The following FAM47E variants were observed in gnomAD, a reference collection of about 807,000 sequenced individuals.
FAM47E encodes the protein family with sequence similarity 47 member E, also known as protein FAM47E.
Under a neutral mutation model 41.6 loss-of-function variants are expected in FAM47E, and 32 were observed. That is an observed-to-expected ratio of 0.77 (90% CI 0.58 to 1.03). FAM47E has a LOEUF of 1.03. FAM47E is among the 50% of genes least tolerant of loss of function. The pLI is 0.00. For synonymous variants in FAM47E, 184 were observed against 188.7 expected (o/e 0.98, Z 0.20); for missense variants, 424 against 485.4 (o/e 0.87, Z 1.19).
intron 7 of FAM47E, chr4:76,282,420 T>C (rs1016358408): frequency 6.6e-6 from 1 of 152,154 alleles, no homozygotes; most frequent in Admixed American, 6.5e-5. Context: ...CGCATTCCAT[T>C]CCCAGAGCTA....
chr4:76,240,713 T>C (rs991897286), intron 2 of FAM47E, among the ~76,000 whole-genome samples: 3 of 152,338 alleles, frequency 2.0e-5, no homozygotes, highest in Admixed American at 6.5e-5. Flanking sequence ...TTGTACTTTT[T>C]AGTTCCAGAA....
intron 2 of FAM47E, among the ~76,000 whole-genome samples, chr4:76,243,966 C>A (rs760529872): frequency 2.0e-5 from 3 of 152,140 alleles, no homozygotes; most frequent in Non-Finnish European, 2.9e-5. Context: ...TTGTTCAACT[C>A]CCACTTATGA....
chr4:76,239,198 A>G (rs918525642), intron 2 of FAM47E, among the ~76,000 whole-genome samples: 2 of 152,140 alleles, frequency 1.3e-5, no homozygotes, highest in African/African-American at 4.8e-5. Flanking sequence ...TGCTATAAAC[A>G]CAGATGTACA....
At chr4:76,268,836 A>G in intron 4 of FAM47E, 68 bp downstream of exon 4, 1 of 1,518,246 alleles carries the variant, frequency 6.6e-7, no homozygotes, top group Non-Finnish European at 8.8e-7. Context: ...TAATATTTAA[A>G]CCTACTTTTA....
intron 2 of FAM47E, among the ~76,000 whole-genome samples, chr4:76,234,048 T>C (rs1438389572): frequency 2.0e-5 from 3 of 152,238 alleles, no homozygotes; most frequent in African/African-American, 7.2e-5. Context: ...AGATGGCCTT[T>C]CAGGCCCAGG....
At chr4:76,222,718 G>A (rs1733330850) in intron 2 of FAM47E, among the ~76,000 whole-genome samples, 1 of 152,148 alleles carries the variant, frequency 6.6e-6, no homozygotes, top group African/African-American at 2.4e-5. Context: ...TACTATGTCT[G>A]AGCAAAAGGT....
intron 1 of FAM47E, among the ~76,000 whole-genome samples, chr4:76,252,089 T>C (rs748690601): frequency 6.6e-6 from 1 of 152,064 alleles, no homozygotes; most frequent in Non-Finnish European, 1.5e-5. Flanking sequence ...GATGGGAAAG[T>C]GATGGCCGCA....
intron 2 of FAM47E, among the ~76,000 whole-genome samples, chr4:76,236,807 A>G (rs890101385): frequency 6.6e-6 from 1 of 151,916 alleles, no homozygotes; most frequent in Non-Finnish European, 1.5e-5. Flanking sequence ...AAGACAAAGG[A>G]TTGTGGAGAC....
upstream of FAM47E, among the ~76,000 whole-genome samples, chr4:76,250,850 C>T (rs149217653): frequency 2.9e-3 from 444 of 152,242 alleles, 3 homozygotes; most frequent in African/African-American, 1.0e-2. Flanking sequence ...AATAATAGTA[C>T]TTGCATAATA....
At chr4:76,215,101 C>T (rs1307414223) in intron 1 of FAM47E, among the ~76,000 whole-genome samples, 1 of 152,234 alleles carries the variant, frequency 6.6e-6, no homozygotes, top group African/African-American at 2.4e-5. Flanking sequence ...CTGGGAGCAG[C>T]CTTAGGAAGC....
intron 2 of FAM47E, among the ~76,000 whole-genome samples, chr4:76,241,872 G>C (rs1394467063): frequency 1.3e-5 from 2 of 152,146 alleles, no homozygotes; most frequent in Non-Finnish European, 2.9e-5. Context: ...CAAAAATCCA[G>C]TGAAATCCTT....
chr4:76,244,693 A>G (rs1434910276), intron 2 of FAM47E, among the ~76,000 whole-genome samples: 1 of 151,868 alleles, frequency 6.6e-6, no homozygotes, highest in Non-Finnish European at 1.5e-5. Context: ...GGCACCTGCC[A>G]CTGTGCCCAG....
chr4:76,230,345 GC>G (rs1483526868), intron 2 of FAM47E, among the ~76,000 whole-genome samples: 1 of 152,116 alleles, frequency 6.6e-6, no homozygotes, highest in African/African-American at 2.4e-5. Flanking sequence ...AGCTGGTGAG[GC>G]TGGTCTTGCT....
intron 1 of FAM47E, among the ~76,000 whole-genome samples, chr4:76,253,499 T>C (rs1254780443): frequency 6.6e-6 from 1 of 152,200 alleles, no homozygotes; most frequent in African/African-American, 2.4e-5. Flanking sequence ...TTTTATTTTA[T>C]GGGCCAAGCA....
chr4:76,270,768 C>A (rs13119644), intron 4 of FAM47E, among the ~76,000 whole-genome samples: 54,351 of 151,978 alleles, frequency 0.36, 10,287 homozygotes, highest in Admixed American at 0.42. Flanking sequence ...TGTCTCATCA[C>A]CCTGTGGGAT....
intron 2 of FAM47E, chr4:76,234,656 C>T (rs561157624): frequency 6.6e-6 from 1 of 152,408 alleles, no homozygotes; most frequent in East Asian, 1.9e-4. Flanking sequence ...CTGGCTGTCT[C>T]ACCAGCACTT....
At chr4:76,263,651 C>G in intron 2 of FAM47E, 53 bp from the exon 3 acceptor site, 1 of 1,531,072 alleles carries the variant, frequency 6.5e-7, no homozygotes, top group Non-Finnish European at 8.8e-7. Context: ...AGAATGGGGA[C>G]TCCCTTCTTC....
chr4:76,249,646 GCA>G (rs1205478042), upstream of FAM47E, among the ~76,000 whole-genome samples: 1 of 151,926 alleles, frequency 6.6e-6, no homozygotes, highest in Non-Finnish European at 1.5e-5. Flanking sequence ...CATCACCCAA[GCA>G]GTGTACCCTG....
rs187862162 is a variant in FAM47E, at chr4:76,271,530, C to T, written c.670-38C>T. On this transcript the variant is annotated intron_variant, in intron 4 of 7. Transcript: ENST00000424749. ...AAGAAGAAAGCAAAGAGCATTTCACCGATTGCCCTCAATTCATGCAATGTG... is the reference window on the plus strand; with the variant it reads ...AAGAAGAAAGCAAAGAGCATTTCACTGATTGCCCTCAATTCATGCAATGTG... 128 of 1,547,238 alleles carry T rather than the reference C, an allele frequency of 8.3e-5. No individual in the cohort carries two copies. The African/African-American group carries it at 1.3e-3, about 16-fold the overall frequency.
Sources: gnomAD v4.1 joint callset for allele counts (sites outside exome capture counted in the v4.1 genomes callset) on GRCh38, gnomAD v4.1.1 for gene constraint, MANE v1.5 for transcripts, NCBI Gene and HGNC (gene_info 2026-07-23, HGNC 2026-07-21) for gene names.